FLVCR1: variants seen among roughly 807,000 people sequenced by gnomAD.
FLVCR1 encodes choline/ethanolamine transporter FLVCR1.
A neutral mutation model predicts 53.6 loss-of-function variants in FLVCR1; 34 were observed. That is an observed-to-expected ratio of 0.63 (90% confidence interval 0.48 to 0.84). The LOEUF (loss-of-function observed/expected upper bound fraction) is 0.84. Ranked by LOEUF, FLVCR1 falls within the 40% of genes least tolerant of loss-of-function variation. The pLI, the probability that FLVCR1 is intolerant of heterozygous loss-of-function variation, is 0.00. For synonymous variants in FLVCR1, 300 were observed against 286.3 expected (o/e 1.05, Z -0.48); for missense variants, 677 against 696.7 (o/e 0.97, Z 0.32).
chr1:212,859,176 G>A lies in FLVCR1; in HGVS notation c.724G>A (p.Val242Met). Residue 242 changes from valine (V) to methionine (M), a missense_variant, in exon 1 of 10, where the codon GTG (valine) becomes ATG (methionine). Val to Met is a conservative substitution (Grantham distance 21). Transcript: ENST00000366971. Reference sequence around the variant, plus strand: ...GGTGTCCACAGCTTGTGCCACCGCCGTGCTGGGCAATCAGGTAAGTACTGG... The same window carrying A: ...GGTGTCCACAGCTTGTGCCACCGCCATGCTGGGCAATCAGGTAAGTACTGG... ...KEVSTACATA[V>M]LGNQLGTAVG... 5 of 1,614,070 alleles carry A rather than the reference G, an allele frequency of 3.1e-6. No homozygotes were observed. Among genetic ancestry groups the A allele is most frequent in the Non-Finnish European group, 4.2e-6 (5 of 1,180,036 alleles).
At position 212,895,353 on chromosome 1, in the gene FLVCR1, A is replaced by C; in HGVS notation, c.*63A>C. On this transcript the variant is annotated 3_prime_UTR_variant, in exon 10 of 10. Transcript: ENST00000366971. ...ACAATGTGATCATCCTTGGAGAGAG[A>C]TGTGAGCACCAAGGCTGGGTTTGTA... 8.0e-7 allele frequency: 1 copy of C among 1,246,396 alleles called. No individual in the cohort carries two copies. The highest frequency in any genetic ancestry group is 1.2e-6 in the Non-Finnish European group (1 of 844,500). 77.2% of individuals were successfully genotyped at this position (1,246,396 alleles called of 1,614,324 possible). A position where few individuals can be genotyped will look rare whatever the true frequency, so the allele number is the denominator to read the frequency against.
chr1:212,885,041 G>A (rs1459531980), intron 4 of FLVCR1, among the ~76,000 whole-genome samples: 1 of 152,172 alleles, frequency 6.6e-6, no homozygotes, highest in Non-Finnish European at 1.5e-5. Flanking sequence ...TCTAACCATA[G>A]AGGATTAAGG....
At chr1:212,885,026 G>A (rs1029180520) in intron 4 of FLVCR1, among the ~76,000 whole-genome samples, 4 of 152,144 alleles carry the variant, frequency 2.6e-5, no homozygotes, top group African/African-American at 9.7e-5. Context: ...AAAAATCATT[G>A]TACTTCTAAC....
At chr1:212,865,590 C>A (rs994724445) in intron 2 of FLVCR1, among the ~76,000 whole-genome samples, 11 of 146,532 alleles carry the variant, frequency 7.5e-5, no homozygotes, top group Non-Finnish European at 1.3e-4. Flanking sequence ...TCAAGTGATT[C>A]TCCTGCCTCA....
rs12142813 is a variant in FLVCR1, at chr1:212,898,772, C to A, written c.*3482C>A. Reference sequence around the variant, plus strand: ...CATCATGAAGTGTACTTACACAAACCTAGGTGGTAGAGCCTACTGCACACC... The same window carrying A: ...CATCATGAAGTGTACTTACACAAACATAGGTGGTAGAGCCTACTGCACACC... On this transcript the variant is annotated 3_prime_UTR_variant, in exon 10 of 10. Transcript: ENST00000366971. The A allele has an allele frequency of 6.6e-6, 1 of 152,164 alleles. No homozygotes were observed. Among genetic ancestry groups the A allele is most frequent in the Non-Finnish European group, 1.5e-5 (1 of 68,018 alleles). 9.4% of individuals were successfully genotyped at this position (152,164 alleles called of 1,614,324 possible). A position where few individuals can be genotyped will look rare whatever the true frequency, so the allele number is the denominator to read the frequency against.
intron 3 of FLVCR1, among the ~76,000 whole-genome samples, chr1:212,882,784 G>A (rs1664960700): frequency 8.6e-6 from 1 of 116,510 alleles, no homozygotes; most frequent in African/African-American, 2.7e-5. Flanking sequence ...CACTTCTAAA[G>A]TATCCTTTGG....
chr1:212,868,570 C>T (rs187529594), intron 2 of FLVCR1, among the ~76,000 whole-genome samples: 188 of 152,242 alleles, frequency 1.2e-3, no homozygotes, highest in Middle Eastern at 3.4e-3. Flanking sequence ...CCACCACACC[C>T]GGCTAATTTT....
In FLVCR1 at chr1:212,871,059, T is replaced by C. The variant is rs1270499327; in HGVS notation, c.884-1619T>C. ...TGCTGGGATTACAGGTGTGAGCCACTGTGCCGGGCTTCTTTTTTCTTTTTG... is the reference window on the plus strand; with the variant it reads ...TGCTGGGATTACAGGTGTGAGCCACCGTGCCGGGCTTCTTTTTTCTTTTTG... On this transcript the variant is annotated intron_variant, in intron 2 of 9. Coordinates refer to ENST00000366971, the MANE Select transcript of FLVCR1 (RefSeq NM_014053.4). 2.0e-5 allele frequency among the ~76,000 whole-genome samples: 3 copies of C among 152,220 alleles called. No homozygotes were observed. The East Asian group carries it at 5.8e-4, about 29-fold the overall frequency.
chr1:212,891,456 C>A (rs1052727445), intron 8 of FLVCR1, among the ~76,000 whole-genome samples: 1 of 149,898 alleles, frequency 6.7e-6, no homozygotes, highest in African/African-American at 2.4e-5. Context: ...AAAAAAAAAA[C>A]AGTATTATTG....
intron 2 of FLVCR1, 55 bp downstream of exon 2, chr1:212,863,924 A>T (rs1454858468): frequency 6.8e-7 from 1 of 1,474,582 alleles, no homozygotes; most frequent in East Asian, 2.3e-5. Flanking sequence ...AAATTTGAGA[A>T]TAACTAACTC....
rs1231194356 is a variant in FLVCR1, at chr1:212,858,520, T to G, written c.68T>G (p.Leu23Arg). The change falls in exon 1 of 10, where the codon CTC becomes CGC. Residue 23 changes from leucine (L) to arginine (R), a missense_variant. Leu to Arg is a moderately radical substitution (Grantham distance 102, BLOSUM62 -2). Coordinates refer to ENST00000366971, the MANE Select transcript of FLVCR1 (RefSeq NM_014053.4). ...APGHPLAKGYLPLPRGAPVGK... is the reference protein window; with the variant it reads ...APGHPLAKGYRPLPRGAPVGK... ...GGACACCCGCTCGCGAAAGGATACC[T>G]CCCGTTGCCGAGGGGCGCGCCCGTT... The G allele has an allele frequency of 2.1e-6, 3 of 1,458,768 alleles. No homozygotes were observed. Among genetic ancestry groups the G allele is most frequent in the East Asian group, 2.5e-5 (1 of 40,176 alleles). 90.4% of individuals were successfully genotyped at this position (1,458,768 alleles called of 1,614,324 possible). A position where few individuals can be genotyped will look rare whatever the true frequency, so the allele number is the denominator to read the frequency against.
intron 3 of FLVCR1, among the ~76,000 whole-genome samples, chr1:212,879,642 A>G (rs1183378894): frequency 2.6e-5 from 4 of 152,026 alleles, no homozygotes; most frequent in Non-Finnish European, 5.9e-5. Context: ...TGCAGCCTTC[A>G]CCTCCTGGGT....
At chr1:212,874,240 C>T (rs1348067626) in intron 3 of FLVCR1, among the ~76,000 whole-genome samples, 1 of 152,144 alleles carries the variant, frequency 6.6e-6, no homozygotes, top group Non-Finnish European at 1.5e-5. Flanking sequence ...AACTCCTGAC[C>T]ACAGGTGATC....
intron 4 of FLVCR1, among the ~76,000 whole-genome samples, chr1:212,884,335 G>A (rs986968186): frequency 7.9e-5 from 12 of 151,038 alleles, no homozygotes; most frequent in African/African-American, 2.7e-4. Flanking sequence ...GCTCACACCT[G>A]TAATCCCAGC....
At chr1:212,870,958 C>T (rs968599959) in intron 2 of FLVCR1, among the ~76,000 whole-genome samples, 5 of 151,968 alleles carry the variant, frequency 3.3e-5, no homozygotes, top group East Asian at 1.9e-4. Flanking sequence ...TTTGTAGAGA[C>T]GGGGTTTCAC....
At chr1:212,885,148 A>G in intron 4 of FLVCR1, 145 bp from the exon 5 acceptor site, 1 of 686,978 alleles carries the variant, frequency 1.5e-6, no homozygotes, top group Admixed American at 2.2e-5. Context: ...CTCCCCTCCC[A>G]CACTGACACA....
In FLVCR1 at chr1:212,895,457, TTAAA is replaced by T; in HGVS notation, c.*169_*172del. 1 of 642,058 alleles carries T rather than the reference TTAAA, an allele frequency of 1.6e-6. No homozygotes were observed. The highest frequency in any genetic ancestry group is 2.8e-6 in the Non-Finnish European group (1 of 356,752). The allele number at this position is 642,058 out of a possible 1,614,324, so 39.8% of individuals were successfully genotyped here. ...GCATAATTATTATTTTGCTTAATTG[TTAAA>T]TTAAGGGAAATTTTCTTAAAATTCT... On this transcript the variant is annotated 3_prime_UTR_variant, in exon 10 of 10. Transcript: ENST00000366971.
At chr1:212,878,467 C>T (rs939837523) in intron 3 of FLVCR1, among the ~76,000 whole-genome samples, 2 of 148,448 alleles carry the variant, frequency 1.3e-5, no homozygotes, top group African/African-American at 2.5e-5. Flanking sequence ...GCAGTAAGTC[C>T]GCTTGCAGTG....
intron 9 of FLVCR1, 52 bp downstream of exon 9, chr1:212,895,105 G>T: frequency 7.2e-7 from 1 of 1,382,612 alleles, no homozygotes; most frequent in Non-Finnish European, 1.0e-6. Flanking sequence ...TAGAATAAAT[G>T]TGAAACCATA....
Sources: gnomAD v4.1 joint callset for allele counts (sites outside exome capture counted in the v4.1 genomes callset) on GRCh38, gnomAD v4.1.1 for gene constraint, MANE v1.5 for transcripts, NCBI Gene and HGNC (gene_info 2026-07-23, HGNC 2026-07-21) for gene names.